The following FBXO32 variants were observed in gnomAD, a reference collection of about 807,000 sequenced individuals.
The protein encoded by FBXO32 is F-box only protein 32.
Under a neutral mutation model 48.3 loss-of-function variants are expected in FBXO32, and 15 were observed. That is an observed-to-expected ratio of 0.31 (90% CI 0.21 to 0.48). The LOEUF is 0.48. FBXO32 is among the 20% of genes least tolerant of loss of function. The probability of loss-of-function intolerance (pLI) is 0.99; values close to 1 mark genes in which losing one functional copy is unlikely to be tolerated. For synonymous variants in FBXO32, 154 were observed against 165.9 expected, an observed-to-expected ratio of 0.93 and a Z score of 0.55; for missense variants, 309 against 432.7, an observed-to-expected ratio of 0.71 and a Z score of 2.54.
chr8:123,532,887 G>A (rs1034339288), intron 3 of FBXO32, among the ~76,000 whole-genome samples: 1 of 152,234 alleles, frequency 6.6e-6, no homozygotes, highest in Non-Finnish European at 1.5e-5. Context: ...GGGAGACCTT[G>A]CCCTGAGGCA....
At position 123,525,667 on chromosome 8, in the gene FBXO32, C is replaced by T. The variant is rs563863084; in HGVS notation, c.372+6231G>A. Among the ~76,000 whole-genome samples the T allele has an allele frequency of 1.1e-4, 17 of 152,304 alleles. No homozygotes were observed. Among genetic ancestry groups the T allele is most frequent in the Non-Finnish European group, 2.5e-4 (17 of 68,036 alleles). ...CCAGGCTTAGGTCCTGCCTTTATTC[C>T]ACGTCCCTTCCTGGGCAGGCAACTT... is the stretch of plus-strand genomic sequence containing the variant. On this transcript the variant is annotated intron_variant, in intron 4 of 8. Coordinates refer to ENST00000517956, the MANE Select transcript of FBXO32 (RefSeq NM_058229.4). This position sits in a 1 kb window ranked among gnomAD's most constrained non-coding sequence, Gnocchi z 4.3.
chr8:123,511,905 G>A (rs1451496121), intron 6 of FBXO32, among the ~76,000 whole-genome samples: 2 of 152,164 alleles, frequency 1.3e-5, no homozygotes, highest in Non-Finnish European at 2.9e-5. Flanking sequence ...CAGTCAGTCA[G>A]TCCAGGCCAT....
chr8:123,533,963 G>T (rs551904721), intron 2 of FBXO32, among the ~76,000 whole-genome samples: 29 of 152,002 alleles, frequency 1.9e-4, no homozygotes, highest in African/African-American at 7.0e-4. Context: ...TATGGTGGCA[G>T]GTGCTTGTAA....
In FBXO32 at chr8:123,503,360, C is replaced by A; in HGVS notation, c.*13G>T. On this transcript the variant is annotated 3_prime_UTR_variant, in exon 9 of 9. Transcript: ENST00000517956. ...CAGGGGGACCCTTCTGAAGTGTTGT[C>A]ATGTGCTGGGATTCAGAACTTGAAC... The A allele has an allele frequency of 6.2e-7, 1 of 1,611,700 alleles. No homozygotes were observed. Among genetic ancestry groups the A allele is most frequent in the Non-Finnish European group, 8.5e-7 (1 of 1,177,870 alleles).
In FBXO32 at chr8:123,506,522, T is replaced by G; in HGVS notation, c.704A>C (p.Asn235Thr). The stretch of plus-strand genomic sequence containing the variant: ...CCCGTCGCTCAGCCTCTGCATGATG[T>G]TCAGTTGTAGGCACAAAGGCAGGTC... ...FTDLPLCLQL[N>T]IMQRLSDGRD... Residue 235 changes from asparagine to threonine, a missense_variant, in exon 7 of 9, where the codon AAC (asparagine) becomes ACC (threonine). Transcript: ENST00000517956. The surrounding 1 kb of genome is among the most constrained non-coding windows in gnomAD (Gnocchi z 4.0). 2 of 1,613,080 alleles carry G rather than the reference T, an allele frequency of 1.2e-6. No homozygotes were observed. Among genetic ancestry groups the G allele is most frequent in the Non-Finnish European group, 1.7e-6 (2 of 1,179,364 alleles).
intron 4 of FBXO32, among the ~76,000 whole-genome samples, chr8:123,522,565 C>T (rs545782246): frequency 7.2e-5 from 11 of 152,212 alleles, no homozygotes; most frequent in South Asian, 2.1e-4. Flanking sequence ...CATCTAACAG[C>T]GATGTCTGGC....
chr8:123,534,845 C>G, intron 1 of FBXO32, 31 bp from the exon 2 acceptor site: 5 of 1,408,656 alleles, frequency 3.5e-6, no homozygotes, highest in Non-Finnish European at 5.0e-6. Context: ...AGAGGATGAG[C>G]TGTAACAGCT....
rs763991242 is a variant in FBXO32 at position 123,504,743 on chromosome 8, C to T, written c.839G>A (p.Arg280His). Reference protein sequence around the residue: ...CQYHFSERQIRKRLILSDKGQ... With the variant: ...CQYHFSERQIHKRLILSDKGQ... The stretch of plus-strand genomic sequence containing the variant: ...TTTGTCTGACAGAATTAATCGTTTG[C>T]GGATCTAAAAAATCAAATGAATAAA... The change falls in exon 8 of 9, where the codon CGC becomes CAC. Residue 280 changes from arginine (R) to histidine (H), a missense_variant. Transcript: ENST00000517956. The T allele has an allele frequency of 3.1e-6, 5 of 1,611,086 alleles. No homozygotes were observed. The highest frequency in any genetic ancestry group is 2.2e-5 in the South Asian group (2 of 90,480).
chr8:123,500,188 C>T lies in FBXO32; in HGVS notation c.*3185G>A, dbSNP rs1816452774. On this transcript the variant is annotated 3_prime_UTR_variant, in exon 9 of 9. Coordinates refer to ENST00000517956, the MANE Select transcript of FBXO32 (RefSeq NM_058229.4). ...CTAGTGTGAGCACTCCTGAACTTCA[C>T]ATATTCTCCTTGTCCCAAATGCAAG... 6.6e-6 allele frequency: 1 copy of T among 152,018 alleles called. No individual in the cohort carries two copies. The highest frequency in any genetic ancestry group is 2.4e-5 in the African/African-American group (1 of 41,354). The allele number at this position is 152,018 out of a possible 1,614,324, so 9.4% of individuals were successfully genotyped here. A position where few individuals can be genotyped will look rare whatever the true frequency, so the allele number is the denominator to read the frequency against.
At chr8:123,510,950 A>C (rs951361830) in intron 6 of FBXO32, among the ~76,000 whole-genome samples, 1 of 152,260 alleles carries the variant, frequency 6.6e-6, no homozygotes, top group Non-Finnish European at 1.5e-5. Context: ...GAAGGCAGCA[A>C]GCTTCAAAGC....
chr8:123,540,108 C>A lies in FBXO32; in HGVS notation c.116+791G>T, dbSNP rs142425688. Among the ~76,000 whole-genome samples, 4 of 152,314 alleles carry A rather than the reference C, an allele frequency of 2.6e-5. No homozygotes were observed. In the East Asian group the frequency reaches 7.7e-4, roughly 29 times the overall value. On this transcript the variant is annotated intron_variant, in intron 1 of 8. Transcript: ENST00000517956. This position sits in a 1 kb window ranked among gnomAD's most constrained non-coding sequence, Gnocchi z 6.4. ...TGAGGCCTCGAATCCAGAGGCTCAC[C>A]GGGGCCAGGCAGGCTTTTCGCAGCT...
intron 4 of FBXO32, among the ~76,000 whole-genome samples, chr8:123,523,621 A>T (rs948401866): frequency 3.5e-5 from 5 of 142,286 alleles, no homozygotes; most frequent in Non-Finnish European, 6.1e-5. Flanking sequence ...CAACAACAAC[A>T]ACAACAAACA....
rs78933867 is a variant in FBXO32, at chr8:123,521,384, G to A, written c.373-7051C>T. ...TCATGATGGCCAAATGACACATCAAGGTCAATGGTGGACCATCTGGCTGGT... is the reference window on the plus strand; with the variant it reads ...TCATGATGGCCAAATGACACATCAAAGTCAATGGTGGACCATCTGGCTGGT... On this transcript the variant is annotated intron_variant, in intron 4 of 8. Transcript: ENST00000517956. 1.2e-3 allele frequency among the ~76,000 whole-genome samples: 189 copies of A among 152,366 alleles called. 5 individuals are homozygous for A. The East Asian group carries it at 0.031, about 25-fold the overall frequency.
At position 123,533,520 on chromosome 8, in the gene FBXO32, A is replaced by G. The variant is rs1389982793; in HGVS notation, c.230-280T>C. 2.6e-5 allele frequency among the ~76,000 whole-genome samples: 4 copies of G among 152,322 alleles called. No homozygotes were observed. In the Middle Eastern group the frequency reaches 0.01, roughly 389 times the overall value. On this transcript the variant is annotated intron_variant, in intron 2 of 8. Transcript: ENST00000517956. Reference sequence around the variant, plus strand: ...TTTCTAAAGCATTATGCCATAAGAAATTACAGGCCAGATGCAGTGGCTCAT... The same window carrying G: ...TTTCTAAAGCATTATGCCATAAGAAGTTACAGGCCAGATGCAGTGGCTCAT...
chr8:123,530,827 C>T (rs1041110643), intron 4 of FBXO32, among the ~76,000 whole-genome samples: 1 of 151,352 alleles, frequency 6.6e-6, no homozygotes, highest in Non-Finnish European at 1.5e-5. Context: ...CTATGTTGGC[C>T]AGGCTGGGCT....
chr8:123,503,132 A>G lies in FBXO32; in HGVS notation c.*241T>C, dbSNP rs991962768. On this transcript the variant is annotated 3_prime_UTR_variant, in exon 9 of 9. Transcript: ENST00000517956. The stretch of plus-strand genomic sequence containing the variant: ...TATAGTCTTGCTGGCAAATTGTTAG[A>G]AAAAAAGTTTATTTACAGTATTTTG... The G allele has an allele frequency of 1.1e-5, 4 of 349,092 alleles. No individual in the cohort carries two copies. Among genetic ancestry groups the G allele is most frequent in the Admixed American group, 9.0e-5 (2 of 22,270 alleles). The allele number at this position is 349,092 out of a possible 1,614,324, so 21.6% of individuals were successfully genotyped here.
At position 123,506,386 on chromosome 8, in the gene FBXO32, G is replaced by T; in HGVS notation, c.834+6C>A. 1 of 1,612,572 alleles carries T rather than the reference G, an allele frequency of 6.2e-7. No homozygotes were observed. Among genetic ancestry groups the T allele is most frequent in the Non-Finnish European group, 8.5e-7 (1 of 1,179,780 alleles). Reference sequence around the variant, plus strand: ...GTGGGAGGAAAGCCCACTGGGCCTTGCTGACCTGCCGCTCGGAGAAGTGGT... The same window carrying T: ...GTGGGAGGAAAGCCCACTGGGCCTTTCTGACCTGCCGCTCGGAGAAGTGGT... On this transcript the variant is annotated splice_donor_region_variant and intron_variant, in intron 7 of 8. Coordinates refer to ENST00000517956, the MANE Select transcript of FBXO32 (RefSeq NM_058229.4). This position sits in a 1 kb window ranked among gnomAD's most constrained non-coding sequence, Gnocchi z 4.0.
At chr8:123,515,825 T>C (rs141185960) in intron 4 of FBXO32, among the ~76,000 whole-genome samples, 2,357 of 151,994 alleles carry the variant, frequency 0.016, 51 homozygotes, top group African/African-American at 0.053. Context: ...ACTCCATCTC[T>C]ACTAAAAGTA....
At position 123,506,736 on chromosome 8, in the gene FBXO32, G is replaced by GAGACCAT. The variant is rs1294078652; in HGVS notation, c.652-169_652-163dup. ...ATCTCCCCATCCTAAATGCAGACAG[G>GAGACCAT]AGACCATGGCCATGACCCTCAATGA... On this transcript the variant is annotated intron_variant, in intron 6 of 8. Coordinates refer to ENST00000517956, the MANE Select transcript of FBXO32 (RefSeq NM_058229.4). The surrounding 1 kb of genome is among the most constrained non-coding windows in gnomAD (Gnocchi z 4.0). 9.6e-6 allele frequency: 6 copies of GAGACCAT among 624,120 alleles called. No individual in the cohort carries two copies. The African/African-American group carries it at 1.1e-4, about 12-fold the overall frequency. The allele number at this position is 624,120 out of a possible 1,614,324, so 38.7% of individuals were successfully genotyped here.
Sources: allele counts gnomAD v4.1 joint callset (sites outside exome capture counted in the v4.1 genomes callset), GRCh38; gene constraint gnomAD v4.1.1; non-coding constraint Gnocchi (gnomAD v3.1); transcripts MANE v1.5; gene names NCBI Gene and HGNC (gene_info 2026-07-23, HGNC 2026-07-21).